MTMR14: variants seen among roughly 807,000 people sequenced by gnomAD.
MTMR14 encodes myotubularin related protein 14.
A neutral mutation model predicts 86.3 loss-of-function variants in MTMR14; 48 were observed. The observed-to-expected ratio is 0.56, with a 90% confidence interval of 0.44 to 0.71. MTMR14 has a LOEUF of 0.71. Ranked by LOEUF, MTMR14 falls within the 30% of genes least tolerant of loss-of-function variation. MTMR14 has a pLI of 0.00. For missense variants in MTMR14, 780 were observed against 834.6 expected (o/e 0.93, Z 0.81); for synonymous variants, 366 against 326.1 (o/e 1.12, Z -1.32).
chr3:9,690,882 AAG>A (rs1353894845), intron 17 of MTMR14, among the ~76,000 whole-genome samples: 1 of 152,176 alleles, frequency 6.6e-6, no homozygotes, highest in African/African-American at 2.4e-5. Flanking sequence ...TCCAGGGAAA[AAG>A]GGGCATTTAG....
Position 9,702,118 on chromosome 3 carries a change from C to G in MTMR14, c.*145C>G. The G allele has an allele frequency of 9.4e-7, 1 of 1,059,574 alleles. No homozygotes were observed. The highest frequency in any genetic ancestry group is 1.4e-6 in the Non-Finnish European group (1 of 711,428). 65.6% of individuals were successfully genotyped at this position (1,059,574 alleles called of 1,614,324 possible). A position where few individuals can be genotyped will look rare whatever the true frequency, so the allele number is the denominator to read the frequency against. On this transcript the variant is annotated 3_prime_UTR_variant, in exon 19 of 19. Coordinates refer to ENST00000296003, the MANE Select transcript of MTMR14 (RefSeq NM_001077525.3). ...CATCATGAACATGGCAGCCCCAAAGCTGAGCAAGGCCAAAGACAGGGTTTT... is the reference window on the plus strand; with the variant it reads ...CATCATGAACATGGCAGCCCCAAAGGTGAGCAAGGCCAAAGACAGGGTTTT...
At chr3:9,685,271 T>A (rs749380487) in intron 13 of MTMR14, 24 bp downstream of exon 13, 7 of 1,613,896 alleles carry the variant, frequency 4.3e-6, no homozygotes, top group Non-Finnish European at 5.9e-6. Context: ...CTACGACTTG[T>A]GGGCACAGCT....
Position 9,662,360 on chromosome 3 carries a change from C to A in MTMR14, c.402C>A (p.Ile134=). Residue 134 remains isoleucine, a synonymous_variant, in exon 3 of 19, where the codon ATC becomes ATA. Transcript: ENST00000296003. ...RCRGRFVCPV[I]LFKGKHICRS... ...GAGGACGGTTTGTCTGCCCAGTAAT[C>A]CTGTTCAAGGGCAAGGTAAGGCCCA... The A allele has an allele frequency of 6.2e-7, 1 of 1,613,600 alleles. No individual in the cohort carries two copies. Among genetic ancestry groups the A allele is most frequent in the Non-Finnish European group, 8.5e-7 (1 of 1,179,840 alleles).
intron 1 of MTMR14, 152 bp downstream of exon 1, chr3:9,649,894 G>A: frequency 6.6e-7 from 1 of 1,510,996 alleles, no homozygotes; most frequent in East Asian, 2.5e-5. Context: ...GTCTGTATCC[G>A]GAGTATAAGA....
chr3:9,678,192 CT>C (rs2075646684), intron 9 of MTMR14, 134 bp downstream of exon 9: 11 of 735,230 alleles, frequency 1.5e-5, no homozygotes, highest in Non-Finnish European at 6.7e-6. Context: ...CTTTGGCCCT[CT>C]GTCCTCTCAG....
chr3:9,651,186 C>G (rs1054820527), intron 1 of MTMR14, among the ~76,000 whole-genome samples: 6 of 152,072 alleles, frequency 3.9e-5, no homozygotes, highest in Non-Finnish European at 5.9e-5. Flanking sequence ...ACTGCAGCCT[C>G]GAAATCCTGG....
In MTMR14 at chr3:9,701,699, C is replaced by T; in HGVS notation, c.1770-91C>T. 1 of 1,394,318 alleles carries T rather than the reference C, an allele frequency of 7.2e-7. No individual in the cohort carries two copies. Among genetic ancestry groups the T allele is most frequent in the South Asian group, 1.2e-5 (1 of 83,932 alleles). The allele number at this position is 1,394,318 out of a possible 1,614,324, so 86.4% of individuals were successfully genotyped here. The stretch of plus-strand genomic sequence containing the variant: ...TGGCCTTGTACAGTCAGAAGAAGCA[C>T]AAGGACAGGTGGTATGGAGGGAGGG... On this transcript the variant is annotated intron_variant, in intron 18 of 18. Transcript: ENST00000296003. The surrounding 1 kb of genome is among the most constrained non-coding windows in gnomAD (Gnocchi z 4.2).
chr3:9,685,283 AG>A lies in MTMR14; in HGVS notation c.1164+37del, dbSNP rs373359960. 1.7e-3 allele frequency: 2,696 copies of A among 1,613,316 alleles called. 27 individuals are homozygous for A. The East Asian group carries it at 0.022, about 13-fold the overall frequency. On this transcript the variant is annotated intron_variant, in intron 13 of 18. Coordinates refer to ENST00000296003, the MANE Select transcript of MTMR14 (RefSeq NM_001077525.3). ...CACCTACGACTTGTGGGCACAGCTC[AG>A]CACTGAAAGAGGGGCAGTGGGTAGC... is the stretch of plus-strand genomic sequence containing the variant.
Position 9,677,845 on chromosome 3 carries a change from C to T in MTMR14, c.823-139C>T. On this transcript the variant is annotated intron_variant, in intron 8 of 18. Transcript: ENST00000296003. This position sits in a 1 kb window ranked among gnomAD's most constrained non-coding sequence, Gnocchi z 4.2. ...TCACATTGATTTTTAAGCTGTCACT[C>T]CCAGGTAGCACAGGTATCTGGCCCA... The T allele has an allele frequency of 1.4e-6, 1 of 694,514 alleles. No individual in the cohort carries two copies. Among genetic ancestry groups the T allele is most frequent in the South Asian group, 1.8e-5 (1 of 55,388 alleles). The allele number at this position is 694,514 out of a possible 1,614,324, so 43.0% of individuals were successfully genotyped here. A position where few individuals can be genotyped will look rare whatever the true frequency, so the allele number is the denominator to read the frequency against.
Position 9,677,514 on chromosome 3 carries a change from C to G in MTMR14, c.822+127C>G. 1.3e-6 allele frequency: 1 copy of G among 785,348 alleles called. No individual in the cohort carries two copies. Among genetic ancestry groups the G allele is most frequent in the South Asian group, 1.4e-5 (1 of 70,236 alleles). 48.6% of individuals were successfully genotyped at this position (785,348 alleles called of 1,614,324 possible). A position where few individuals can be genotyped will look rare whatever the true frequency, so the allele number is the denominator to read the frequency against. ...GGGGAAAATAACTCCCCTTTCCTCC[C>G]TGATTGTTTCTGTCTTCCTCTCCCT... On this transcript the variant is annotated intron_variant, in intron 8 of 18. Coordinates refer to ENST00000296003, the MANE Select transcript of MTMR14 (RefSeq NM_001077525.3). The surrounding 1 kb of genome is among the most constrained non-coding windows in gnomAD (Gnocchi z 4.2).
chr3:9,686,686 G>A (rs781566105), intron 13 of MTMR14, among the ~76,000 whole-genome samples: 8 of 152,182 alleles, frequency 5.3e-5, no homozygotes, highest in South Asian at 2.1e-4. Context: ...ATACTGACCC[G>A]ACCTGGGCAG....
At chr3:9,660,404 A>C (rs768173941) in intron 2 of MTMR14, among the ~76,000 whole-genome samples, 3 of 152,000 alleles carry the variant, frequency 2.0e-5, no homozygotes, top group Non-Finnish European at 2.9e-5. Flanking sequence ...GATTACAGGC[A>C]CGCGCCACCA....
chr3:9,651,514 G>T (rs938508125), intron 1 of MTMR14, among the ~76,000 whole-genome samples: 1 of 152,140 alleles, frequency 6.6e-6, no homozygotes, highest in African/African-American at 2.4e-5. Flanking sequence ...ATTGGCTGCG[G>T]CTGGCCTTAA....
chr3:9,698,233 A>G (rs568961324), intron 18 of MTMR14, among the ~76,000 whole-genome samples: 1 of 152,380 alleles, frequency 6.6e-6, no homozygotes, highest in African/African-American at 2.4e-5. Flanking sequence ...TGGAGGCCAG[A>G]GCCAGAGTGG....
In MTMR14 at chr3:9,689,009, C is replaced by G. The variant is rs371569636; in HGVS notation, c.1360C>G (p.Pro454Ala). 1 of 1,613,980 alleles carries G rather than the reference C, an allele frequency of 6.2e-7. No homozygotes were observed. The highest frequency in any genetic ancestry group is 1.1e-5 in the South Asian group (1 of 91,084). The change falls in exon 16 of 19, where the codon CCA becomes GCA. Residue 454 changes from proline to alanine, a missense_variant. Physicochemically the swap from Pro to Ala is conservative, Grantham distance 27 (BLOSUM62 -1). Coordinates refer to ENST00000296003, the MANE Select transcript of MTMR14 (RefSeq NM_001077525.3). Reference protein sequence around the residue: ...SDFSLVMESSPGATGSFTYEA... With the variant: ...SDFSLVMESSAGATGSFTYEA... ...CTTCTCCCTGGTCATGGAGAGTTCC[C>G]CAGGAGCCACTGGGAGCTTCACCTA...
chr3:9,675,103 C>T (rs553058833), intron 7 of MTMR14, among the ~76,000 whole-genome samples: 26 of 152,198 alleles, frequency 1.7e-4, no homozygotes, highest in African/African-American at 2.4e-4. Flanking sequence ...AAGAGGGAAA[C>T]TCCGTCTCAA....
intron 7 of MTMR14, among the ~76,000 whole-genome samples, chr3:9,676,546 A>G (rs1318817179): frequency 6.6e-6 from 1 of 152,220 alleles, no homozygotes; most frequent in Non-Finnish European, 1.5e-5. Context: ...GGTGTTTTAT[A>G]TGTATTATGT....
chr3:9,688,801 C>CGT, intron 15 of MTMR14, 47 bp downstream of exon 15: 1 of 1,611,776 alleles, frequency 6.2e-7, no homozygotes, highest in Non-Finnish European at 8.5e-7. Context: ...TACATCTTCC[C>CGT]GTGTACAGAT....
chr3:9,698,017 G>A lies in MTMR14; in HGVS notation c.1769+151G>A, dbSNP rs1320072770. On this transcript the variant is annotated intron_variant, in intron 18 of 18. Coordinates refer to ENST00000296003, the MANE Select transcript of MTMR14 (RefSeq NM_001077525.3). ...CTCTCAGCTGCTGGACCCGAGGTAT[G>A]AAGGAGGCCTGTGGCTGGTCAGGAA... The A allele has an allele frequency of 2.5e-5, 28 of 1,132,350 alleles. No individual in the cohort carries two copies. In the East Asian group the frequency reaches 6.1e-4, roughly 25 times the overall value. The allele number at this position is 1,132,350 out of a possible 1,614,324, so 70.1% of individuals were successfully genotyped here. A position where few individuals can be genotyped will look rare whatever the true frequency, so the allele number is the denominator to read the frequency against.
Sources: gnomAD v4.1 joint callset for allele counts (sites outside exome capture counted in the v4.1 genomes callset) on GRCh38, gnomAD v4.1.1 for gene constraint, Gnocchi (gnomAD v3.1) non-coding constraint, MANE v1.5 for transcripts, NCBI Gene and HGNC (gene_info 2026-07-23, HGNC 2026-07-21) for gene names.